Variants in CNTN4 observed in about 807,000 individuals in gnomAD.
CNTN4 encodes the protein contactin-4.
Under a neutral mutation model 122.5 loss-of-function variants are expected in CNTN4, and 77 were observed. The observed-to-expected ratio is 0.63, with a 90% CI of 0.52 to 0.76. CNTN4 has a LOEUF of 0.76. CNTN4 is among the 30% of genes least tolerant of loss of function. The pLI is 0.00. For missense variants in CNTN4, 1,256 were observed against 1,259.1 expected (o/e 1.00, Z 0.04); for synonymous variants, 512 against 447.0 (o/e 1.15, Z -1.83).
intron 3 of CNTN4, among the ~76,000 whole-genome samples, chr3:2,462,672 A>T (rs559761362): frequency 6.6e-6 from 1 of 152,226 alleles, no homozygotes; most frequent in Non-Finnish European, 1.5e-5. Context: ...ATATTTTTAT[A>T]CCTACATTGT....
chr3:2,938,776 T>G (rs555262501), intron 13 of CNTN4, among the ~76,000 whole-genome samples: 1 of 152,326 alleles, frequency 6.6e-6, no homozygotes, highest in African/African-American at 2.4e-5. Flanking sequence ...TAGAACCATG[T>G]AAACCCTTTG....
chr3:2,819,071 CT>C (rs1232463087), intron 6 of CNTN4, among the ~76,000 whole-genome samples: 1 of 152,102 alleles, frequency 6.6e-6, no homozygotes, highest in African/African-American at 2.4e-5. Flanking sequence ...CACTTAACAT[CT>C]TTAAACCTCA....
At chr3:2,319,328 TA>T (rs112731653) in intron 2 of CNTN4, among the ~76,000 whole-genome samples, 1,762 of 152,246 alleles carry the variant, frequency 0.012, 42 homozygotes, top group African/African-American at 0.04. Context: ...GAACATTGCC[TA>T]AAAAACACAT....
intron 3 of CNTN4, among the ~76,000 whole-genome samples, chr3:2,480,021 G>C (rs2075945290): frequency 6.6e-6 from 1 of 151,954 alleles, no homozygotes; most frequent in Admixed American, 6.6e-5. Flanking sequence ...AGAAAAATTA[G>C]ACAGTTATAT....
chr3:2,280,570 G>C (rs568158398), intron 2 of CNTN4, among the ~76,000 whole-genome samples: 1 of 152,102 alleles, frequency 6.6e-6, no homozygotes, highest in Admixed American at 6.5e-5. Flanking sequence ...CCATGCTCTT[G>C]ACCAATACAT....
intron 12 of CNTN4, among the ~76,000 whole-genome samples, chr3:2,922,802 G>A (rs1290800922): frequency 6.6e-6 from 1 of 151,864 alleles, no homozygotes; most frequent in Admixed American, 6.6e-5. Context: ...GTAGAGACGG[G>A]GTTTTGCCAT....
chr3:2,972,987 G>C (rs1693078173), intron 13 of CNTN4, among the ~76,000 whole-genome samples: 1 of 151,766 alleles, frequency 6.6e-6, no homozygotes, highest in Non-Finnish European at 1.5e-5. Context: ...TTGTAGATTT[G>C]GGCTATTAAA....
At chr3:2,600,589 C>A (rs1307086636) in intron 4 of CNTN4, among the ~76,000 whole-genome samples, 1 of 152,176 alleles carries the variant, frequency 6.6e-6, no homozygotes, top group Non-Finnish European at 1.5e-5. Context: ...TTTTCTTAAT[C>A]CAGTGTATCA....
At chr3:2,342,911 C>G (rs1210888199) in intron 3 of CNTN4, among the ~76,000 whole-genome samples, 1 of 152,136 alleles carries the variant, frequency 6.6e-6, no homozygotes, top group African/African-American at 2.4e-5. Flanking sequence ...TTAATAGTTT[C>G]CAGAAACTAA....
chr3:2,668,851 C>CAT (rs951112542), intron 4 of CNTN4, among the ~76,000 whole-genome samples: 1,594 of 151,444 alleles, frequency 0.011, 28 homozygotes, highest in African/African-American at 0.037. Context: ...TTGAGATAAA[C>CAT]GTGGTTTTTG....
At chr3:2,741,061 G>C (rs1268010322) in intron 5 of CNTN4, among the ~76,000 whole-genome samples, 1 of 152,064 alleles carries the variant, frequency 6.6e-6, no homozygotes, top group Non-Finnish European at 1.5e-5. Flanking sequence ...CATATATTAG[G>C]ATTCTGAAAA....
At chr3:2,827,268 T>G (rs1206014123) in intron 7 of CNTN4, among the ~76,000 whole-genome samples, 1 of 152,206 alleles carries the variant, frequency 6.6e-6, no homozygotes, top group African/African-American at 2.4e-5. Flanking sequence ...AGCATCACTT[T>G]CAAGTCCTCA....
At chr3:3,033,795 G>C (rs989159092) in intron 16 of CNTN4, among the ~76,000 whole-genome samples, 1 of 152,174 alleles carries the variant, frequency 6.6e-6, no homozygotes, top group Non-Finnish European at 1.5e-5. Context: ...TTACCTGCCA[G>C]CTGCTTTCCA....
chr3:2,868,428 C>G (rs1217539393), intron 8 of CNTN4, among the ~76,000 whole-genome samples: 4 of 152,120 alleles, frequency 2.6e-5, no homozygotes, highest in African/African-American at 9.7e-5. Context: ...AAAAACTTGA[C>G]AAATGCAAGA....
At chr3:2,743,978 C>A (rs541148336) in intron 5 of CNTN4, among the ~76,000 whole-genome samples, 1 of 152,202 alleles carries the variant, frequency 6.6e-6, no homozygotes, top group Admixed American at 6.5e-5. Flanking sequence ...CCACACCTGG[C>A]TAAATTTTGT....
chr3:2,238,675 A>G (rs1316223651), intron 2 of CNTN4, among the ~76,000 whole-genome samples: 1 of 150,962 alleles, frequency 6.6e-6, no homozygotes, highest in Non-Finnish European at 1.5e-5. Flanking sequence ...TTTGGAACCT[A>G]ACTTACTCCT....
intron 14 of CNTN4, chr3:3,008,961 G>A (rs1334609900): frequency 5.1e-6 from 5 of 985,144 alleles, no homozygotes; most frequent in East Asian, 1.1e-4. Flanking sequence ...TGGGCTGCAC[G>A]GCTTCAAACT....
At position 2,571,539 on chromosome 3, in the gene CNTN4, A is replaced by G. The variant is rs377155230; in HGVS notation, c.36A>G (p.Ser12=). 3.7e-6 allele frequency: 6 copies of G among 1,613,610 alleles called. No individual in the cohort carries two copies. Among genetic ancestry groups the G allele is most frequent in the Non-Finnish European group, 5.1e-6 (6 of 1,179,610 alleles). Reference sequence around the variant, plus strand: ...CATGGGAACTGCTGGTACTGCAATCATTCATTTTGTGCCTTGCAGGTAGAG... The same window carrying G: ...CATGGGAACTGCTGGTACTGCAATCGTTCATTTTGTGCCTTGCAGGTAGAG... ...RLPWELLVLQ[S]FILCLADDST... is the part of the protein sequence containing the mutation. Residue 12 remains serine, a synonymous_variant, in exon 4 of 25, where the codon TCA becomes TCG. Transcript: ENST00000418658.
chr3:2,921,555 A>AAC (rs2094430267), intron 12 of CNTN4, among the ~76,000 whole-genome samples: 1 of 152,216 alleles, frequency 6.6e-6, no homozygotes, highest in African/African-American at 2.4e-5. Context: ...GGTAATAGTT[A>AAC]AAGAAAGTAG....
Sources: allele counts gnomAD v4.1 joint callset (sites outside exome capture counted in the v4.1 genomes callset), GRCh38; gene constraint gnomAD v4.1.1; transcripts MANE v1.5; gene names NCBI Gene and HGNC (gene_info 2026-07-23, HGNC 2026-07-21).